The following RHPN2 variants were observed in gnomAD, a reference collection of about 807,000 sequenced individuals.
The protein encoded by RHPN2 is rhophilin-2.
A neutral mutation model predicts 79.0 loss-of-function variants in RHPN2; 40 were observed. That is an observed-to-expected ratio of 0.51 (90% confidence interval 0.39 to 0.66). The LOEUF is 0.66. Among genes scored for constraint, RHPN2 ranks in the 30% least tolerant of loss-of-function variants. The pLI is 0.00. For synonymous variants in RHPN2, 285 were observed against 363.5 expected (o/e 0.78, Z 2.46); for missense variants, 686 against 883.5 (o/e 0.78, Z 2.83).
At chr19:33,008,701 C>T (rs892277770) in intron 6 of RHPN2, among the ~76,000 whole-genome samples, 10 of 151,898 alleles carry the variant, frequency 6.6e-5, no homozygotes, top group African/African-American at 2.4e-4. Flanking sequence ...ACCCGAGAGG[C>T]GGAGGTTGCA....
chr19:33,059,788 A>G (rs1391487496), intron 1 of RHPN2, among the ~76,000 whole-genome samples: 3 of 152,120 alleles, frequency 2.0e-5, no homozygotes, highest in African/African-American at 7.2e-5. Flanking sequence ...TAAATCTAGG[A>G]CCTTCCAGCA....
intron 14 of RHPN2, among the ~76,000 whole-genome samples, chr19:32,989,520 T>C (rs1298682629): frequency 4.6e-5 from 7 of 152,228 alleles, no homozygotes; most frequent in Non-Finnish European, 8.8e-5. Context: ...TACAGAGGGA[T>C]TGTCTTAACT....
Position 32,997,442 on chromosome 19 carries a change from G to C in RHPN2, c.1226-1222C>G, listed in dbSNP as rs559772870. On this transcript the variant is annotated intron_variant, in intron 10 of 14. Coordinates refer to ENST00000254260, the MANE Select transcript of RHPN2 (RefSeq NM_033103.5). Reference sequence around the variant, plus strand: ...AAAGCAGGGTAAGCGGAGATGGTAAGAGAAGACTGGGAATGGGGTTGTCCT... The same window carrying C: ...AAAGCAGGGTAAGCGGAGATGGTAACAGAAGACTGGGAATGGGGTTGTCCT... Among the ~76,000 whole-genome samples the C allele has an allele frequency of 2.0e-5, 3 of 152,136 alleles. No individual in the cohort carries two copies. The South Asian group carries it at 6.2e-4, about 32-fold the overall frequency.
chr19:33,048,712 C>A (rs1352351150), intron 1 of RHPN2, among the ~76,000 whole-genome samples: 1 of 99,212 alleles, frequency 1.0e-5, no homozygotes, highest in Non-Finnish European at 1.7e-5. Context: ...GGTGACACAG[C>A]GAGACTCAGT....
At chr19:33,053,608 G>C (rs1721908318) in intron 1 of RHPN2, among the ~76,000 whole-genome samples, 1 of 151,754 alleles carries the variant, frequency 6.6e-6, no homozygotes, top group Admixed American at 6.6e-5. Context: ...ATTTTTAGTA[G>C]AGATGGGGTT....
intron 1 of RHPN2, among the ~76,000 whole-genome samples, chr19:33,049,848 C>A (rs1170085005): frequency 6.6e-6 from 1 of 152,108 alleles, no homozygotes; most frequent in Non-Finnish European, 1.5e-5. Context: ...GGATTTAAGA[C>A]CCTGTCCTTC....
At chr19:33,017,338 G>A (rs1971886044) in intron 4 of RHPN2, among the ~76,000 whole-genome samples, 2 of 151,540 alleles carry the variant, frequency 1.3e-5, no homozygotes, top group African/African-American at 4.9e-5. Context: ...CGTGCCATTG[G>A]ACTCCAGCCT....
At chr19:33,019,331 G>A (rs968595488) in intron 4 of RHPN2, among the ~76,000 whole-genome samples, 2 of 152,080 alleles carry the variant, frequency 1.3e-5, no homozygotes, top group Admixed American at 6.6e-5. Context: ...TGTAATCCCA[G>A]CACTTTGGAA....
intron 6 of RHPN2, among the ~76,000 whole-genome samples, chr19:33,009,329 G>A (rs12975798): frequency 0.11 from 16,261 of 151,324 alleles, 1,136 homozygotes; most frequent in Middle Eastern, 0.16. Flanking sequence ...GGTGGCTCAT[G>A]CCAGTAATCC....
intron 2 of RHPN2, among the ~76,000 whole-genome samples, chr19:33,043,423 A>G (rs894244071): frequency 1.3e-4 from 19 of 151,752 alleles, no homozygotes; most frequent in Non-Finnish European, 2.8e-4. Context: ...ATGGTGGTGC[A>G]TGCCTGTGGT....
chr19:33,037,414 C>G (rs974081150), intron 2 of RHPN2, among the ~76,000 whole-genome samples: 3 of 152,144 alleles, frequency 2.0e-5, no homozygotes. Context: ...TAAAAGCAGG[C>G]TGCCTGAGCC....
At chr19:33,031,747 T>C (rs1972013879) in intron 2 of RHPN2, among the ~76,000 whole-genome samples, 1 of 151,996 alleles carries the variant, frequency 6.6e-6, no homozygotes, top group East Asian at 1.9e-4. Flanking sequence ...AGTGGCGTGA[T>C]CTTGGCTCAC....
intron 4 of RHPN2, among the ~76,000 whole-genome samples, chr19:33,014,547 C>T (rs573626010): frequency 6.6e-6 from 1 of 152,218 alleles, no homozygotes; most frequent in Non-Finnish European, 1.5e-5. Context: ...CTCAGGTGAT[C>T]CTCCCACCTC....
intron 14 of RHPN2, 133 bp from the exon 15 acceptor site, chr19:32,980,389 C>CT (rs765742263): frequency 8.1e-5 from 84 of 1,030,894 alleles, no homozygotes; most frequent in Non-Finnish European, 1.2e-4. Context: ...AGGCGGATCA[C>CT]TTGAGGTCAG....
At chr19:33,062,691 C>T (rs1175622278) in intron 1 of RHPN2, among the ~76,000 whole-genome samples, 1 of 151,130 alleles carries the variant, frequency 6.6e-6, no homozygotes, top group African/African-American at 2.4e-5. Flanking sequence ...CTGCTTGAAC[C>T]CCGGAGGCAG....
At chr19:33,047,722 T>C (rs1972153253) in intron 1 of RHPN2, among the ~76,000 whole-genome samples, 1 of 152,188 alleles carries the variant, frequency 6.6e-6, no homozygotes, top group South Asian at 2.1e-4. Flanking sequence ...TCCTCAGGAA[T>C]CCCAGTATTC....
chr19:33,049,441 C>T (rs1972169983), intron 1 of RHPN2, among the ~76,000 whole-genome samples: 1 of 152,308 alleles, frequency 6.6e-6, no homozygotes, highest in East Asian at 1.9e-4. Context: ...CAACAGAACA[C>T]AAAGCCGCTC....
Position 32,999,671 on chromosome 19 carries a change from C to T in RHPN2, c.1140G>A (p.Lys380=), listed in dbSNP as rs1971733191. ...TGTGGTCGTAGAGCTGGGACAGGCA[C>T]TTCTCCTGGTGGTCCAGATCCGTGC... The part of the protein sequence containing the change: ...KPGTDLDHQE[K]CLSQLYDHMP... Residue 380 remains lysine (K), a synonymous_variant, in exon 10 of 15, where the codon AAG becomes AAA. Transcript: ENST00000254260. The T allele has an allele frequency of 3.1e-6, 5 of 1,613,028 alleles. No individual in the cohort carries two copies. Among genetic ancestry groups the T allele is most frequent in the Middle Eastern group, 3.3e-4 (2 of 6,072 alleles).
intron 1 of RHPN2, among the ~76,000 whole-genome samples, chr19:33,060,064 G>C (rs1403342001): frequency 6.6e-6 from 1 of 152,184 alleles, no homozygotes; most frequent in Admixed American, 6.5e-5. Context: ...TCCCATGAGG[G>C]CCATCAAGTC....
Sources: allele counts gnomAD v4.1 joint callset (sites outside exome capture counted in the v4.1 genomes callset), GRCh38; gene constraint gnomAD v4.1.1; transcripts MANE v1.5; gene names NCBI Gene and HGNC (gene_info 2026-07-23, HGNC 2026-07-21).